The following ASIC2 variants were observed in gnomAD, a reference collection of about 807,000 sequenced individuals.
ASIC2 encodes the protein acid-sensing ion channel 2.
Under a neutral mutation model 57.3 loss-of-function variants are expected in ASIC2, and 25 were observed. That is an observed-to-expected ratio of 0.44 (90% CI 0.32 to 0.61). The LOEUF is 0.61. Among genes scored for constraint, ASIC2 ranks in the 20% least tolerant of loss-of-function variants. The pLI, the probability that ASIC2 is intolerant of heterozygous loss-of-function variation, is 0.06. For missense variants in ASIC2, 641 were observed against 738.1 expected, an observed-to-expected ratio of 0.87 and a Z score of 1.52; for synonymous variants, 319 against 307.5, an observed-to-expected ratio of 1.04 and a Z score of -0.39.
chr17:33,904,665 G>A (rs1221397909), intron 1 of ASIC2, among the ~76,000 whole-genome samples: 1 of 152,150 alleles, frequency 6.6e-6, no homozygotes, highest in Non-Finnish European at 1.5e-5. Flanking sequence ...GCTGCCTTTG[G>A]AACCTGGTTC....
chr17:33,438,048 C>G (rs771500829), intron 1 of ASIC2, among the ~76,000 whole-genome samples: 1 of 152,066 alleles, frequency 6.6e-6, no homozygotes, highest in African/African-American at 2.4e-5. Flanking sequence ...TATTTCTAAC[C>G]AGAAGCCCTC....
intron 1 of ASIC2, among the ~76,000 whole-genome samples, chr17:33,636,822 G>A (rs999585113): frequency 4.0e-5 from 6 of 151,802 alleles, no homozygotes; most frequent in African/African-American, 1.2e-4. Flanking sequence ...CAAACTCCAT[G>A]CTTACAAAGC....
chr17:33,671,885 A>G (rs915457679), intron 1 of ASIC2, among the ~76,000 whole-genome samples: 7 of 152,098 alleles, frequency 4.6e-5, no homozygotes, highest in African/African-American at 1.7e-4. Context: ...TGGAACCTTG[A>G]ACCTTGTTTA....
intron 1 of ASIC2, among the ~76,000 whole-genome samples, chr17:34,115,295 T>C (rs1911394169): frequency 6.6e-6 from 1 of 152,180 alleles, no homozygotes; most frequent in East Asian, 1.9e-4. Context: ...TCTGTACCTA[T>C]GTTTAAGGAG....
At chr17:33,520,407 A>C (rs950742393) in intron 1 of ASIC2, among the ~76,000 whole-genome samples, 2 of 152,222 alleles carry the variant, frequency 1.3e-5, no homozygotes, top group Non-Finnish European at 2.9e-5. Context: ...GCATTTACTC[A>C]GAGGAATACC....
intron 1 of ASIC2, among the ~76,000 whole-genome samples, chr17:33,607,813 G>A (rs1905266473): frequency 6.6e-6 from 1 of 152,160 alleles, no homozygotes; most frequent in Admixed American, 6.5e-5. Context: ...ACCCATCTGG[G>A]CACCGCATTC....
chr17:33,402,432 C>T (rs896912772), intron 1 of ASIC2, among the ~76,000 whole-genome samples: 1 of 152,176 alleles, frequency 6.6e-6, no homozygotes, highest in Non-Finnish European at 1.5e-5. Flanking sequence ...TTCCCTAATG[C>T]TCTTCCTGCC....
intron 1 of ASIC2, among the ~76,000 whole-genome samples, chr17:33,901,838 A>C (rs183544160): frequency 2.7e-4 from 41 of 152,300 alleles, no homozygotes; most frequent in African/African-American, 9.6e-4. Flanking sequence ...AATTCCAATC[A>C]GTAGTATAAT....
chr17:33,189,822 G>A (rs913693976), intron 1 of ASIC2, among the ~76,000 whole-genome samples: 1 of 152,034 alleles, frequency 6.6e-6, no homozygotes, highest in Non-Finnish European at 1.5e-5. Flanking sequence ...TAAACTACAA[G>A]GAAAAATAGA....
At chr17:33,620,626 A>G (rs1000507928) in intron 1 of ASIC2, among the ~76,000 whole-genome samples, 1 of 152,158 alleles carries the variant, frequency 6.6e-6, no homozygotes, top group Admixed American at 6.5e-5. Context: ...AGAGAGATTG[A>G]TTTTTATGTT....
At chr17:33,175,293 C>T (rs957639962) in intron 1 of ASIC2, among the ~76,000 whole-genome samples, 7 of 152,152 alleles carry the variant, frequency 4.6e-5, no homozygotes, top group African/African-American at 1.7e-4. Context: ...GCCTGAGATG[C>T]TTTTCTCCTT....
At chr17:33,720,840 T>C (rs1257336702) in intron 1 of ASIC2, among the ~76,000 whole-genome samples, 4 of 152,220 alleles carry the variant, frequency 2.6e-5, no homozygotes, top group Non-Finnish European at 5.9e-5. Flanking sequence ...TCGTTGTCTG[T>C]AATTCATCAT....
At position 33,078,679 on chromosome 17, in the gene ASIC2, C is replaced by T. The variant is rs1390237125; in HGVS notation, c.987+10184G>A. 8.5e-5 allele frequency among the ~76,000 whole-genome samples: 13 copies of T among 152,206 alleles called. 1 individual carries two copies. The highest frequency in any genetic ancestry group is 8.5e-4 in the Admixed American group (13 of 15,286). ...TCTCCAACTCCTGATTCTCCCTCTT[C>T]AGCTTCCCAAAGTGCTAGGATTATA... On this transcript the variant is annotated intron_variant, in intron 3 of 9. Coordinates refer to ENST00000225823, the MANE Select transcript of ASIC2 (RefSeq NM_183377.2).
intron 1 of ASIC2, among the ~76,000 whole-genome samples, chr17:34,092,859 T>A (rs1411243164): frequency 6.6e-6 from 1 of 152,224 alleles, no homozygotes; most frequent in African/African-American, 2.4e-5. Flanking sequence ...TTCCCATAAA[T>A]GACTTTATAC....
intron 1 of ASIC2, among the ~76,000 whole-genome samples, chr17:33,463,294 A>T (rs1363292729): frequency 6.6e-6 from 1 of 152,210 alleles, no homozygotes; most frequent in African/African-American, 2.4e-5. Flanking sequence ...CTCTGTTGGC[A>T]TCATCCCCAG....
At chr17:33,249,365 T>A (rs1908804608) in intron 1 of ASIC2, among the ~76,000 whole-genome samples, 1 of 152,080 alleles carries the variant, frequency 6.6e-6, no homozygotes, top group Admixed American at 6.5e-5. Flanking sequence ...AAGGCTGGGC[T>A]GGAGATTTTA....
At chr17:33,775,928 T>C (rs2142123969) in intron 1 of ASIC2, among the ~76,000 whole-genome samples, 1 of 151,938 alleles carries the variant, frequency 6.6e-6, no homozygotes, top group Middle Eastern at 3.4e-3. Context: ...AGGTCAGGAG[T>C]TCGAGACCAG....
At chr17:33,062,850 A>G (rs952963001) in intron 3 of ASIC2, among the ~76,000 whole-genome samples, 3 of 138,530 alleles carry the variant, frequency 2.2e-5, no homozygotes, top group African/African-American at 7.9e-5. Context: ...GTGCTCCTGT[A>G]TTGGGTGCAT....
intron 1 of ASIC2, among the ~76,000 whole-genome samples, chr17:33,187,146 T>C (rs1342595576): frequency 2.0e-5 from 3 of 152,166 alleles, no homozygotes; most frequent in African/African-American, 7.2e-5. Context: ...AGCAAGTCTA[T>C]GAGATGCAGC....
Sources: allele counts gnomAD v4.1 joint callset (sites outside exome capture counted in the v4.1 genomes callset), GRCh38; gene constraint gnomAD v4.1.1; transcripts MANE v1.5; gene names NCBI Gene and HGNC (gene_info 2026-07-23, HGNC 2026-07-21).